The following KCNJ6 variants were observed in gnomAD, a reference collection of about 807,000 sequenced individuals.
KCNJ6 encodes the protein potassium inwardly rectifying channel subfamily J member 6, also known as G protein-activated inward rectifier potassium channel 2.
Under a neutral mutation model 34.2 loss-of-function variants are expected in KCNJ6, and 9 were observed. The observed-to-expected ratio is 0.26, with a 90% CI of 0.16 to 0.46. The LOEUF is 0.46. Among genes scored for constraint, KCNJ6 ranks in the 20% least tolerant of loss-of-function variants. KCNJ6 has a pLI of 1.00. For synonymous variants in KCNJ6, 196 were observed against 207.1 expected (o/e 0.95, Z 0.46); for missense variants, 236 against 531.3 (o/e 0.44, Z 5.46).
At chr21:37,761,444 TTTGTGTGTG>T (rs2055062816) in intron 2 of KCNJ6, among the ~76,000 whole-genome samples, 1 of 151,446 alleles carries the variant, frequency 6.6e-6, no homozygotes, top group South Asian at 2.1e-4. Flanking sequence ...TGTGTGTATA[TTTGTGTGTG>T]TTGTGTGTAT....
intron 1 of KCNJ6, among the ~76,000 whole-genome samples, chr21:37,895,179 T>A (rs1017377645): frequency 6.6e-6 from 1 of 152,228 alleles, no homozygotes; most frequent in African/African-American, 2.4e-5. Flanking sequence ...ACCCAAATAA[T>A]AGCCCTGGGA....
chr21:37,818,001 C>T (rs1022104567), intron 2 of KCNJ6, among the ~76,000 whole-genome samples: 6 of 152,168 alleles, frequency 3.9e-5, no homozygotes, highest in East Asian at 1.9e-4. Context: ...CCATCTGCCT[C>T]GTACCCAGAA....
intron 2 of KCNJ6, among the ~76,000 whole-genome samples, chr21:37,830,265 T>C (rs938526718): frequency 6.6e-6 from 1 of 152,126 alleles, no homozygotes; most frequent in African/African-American, 2.4e-5. Context: ...GTTAGGCAAG[T>C]GGAAGGTGGG....
chr21:37,853,633 A>G (rs1217987425), intron 1 of KCNJ6, among the ~76,000 whole-genome samples: 1 of 151,982 alleles, frequency 6.6e-6, no homozygotes, highest in African/African-American at 2.4e-5. Context: ...CAAACACAGT[A>G]GACTTTTCTT....
chr21:37,615,841 C>T lies in KCNJ6; in HGVS notation c.*9318G>A, dbSNP rs376703144. On this transcript the variant is annotated 3_prime_UTR_variant, in exon 4 of 4. Coordinates refer to ENST00000609713, the MANE Select transcript of KCNJ6 (RefSeq NM_002240.5). ...TGGACATCTGTTACATGGGATAATACAAAAATAATTTTGAAAATTTTTTAA... is the reference window on the plus strand; with the variant it reads ...TGGACATCTGTTACATGGGATAATATAAAAATAATTTTGAAAATTTTTTAA... The T allele has an allele frequency of 2.6e-5, 4 of 152,254 alleles. No homozygotes were observed. The highest frequency in any genetic ancestry group is 3.9e-4 in the East Asian group (2 of 5,180). 9.4% of individuals were successfully genotyped at this position (152,254 alleles called of 1,614,324 possible).
intron 3 of KCNJ6, among the ~76,000 whole-genome samples, chr21:37,655,972 G>A (rs76426108): frequency 0.015 from 2,295 of 152,278 alleles, 38 homozygotes; most frequent in East Asian, 0.069. Flanking sequence ...AGGAGAGAGC[G>A]TGTGACACCA....
At chr21:37,752,240 A>T (rs1444143374) in intron 2 of KCNJ6, among the ~76,000 whole-genome samples, 1 of 152,160 alleles carries the variant, frequency 6.6e-6, no homozygotes, top group Non-Finnish European at 1.5e-5. Flanking sequence ...GTTTTCCAGG[A>T]TCAGTTGCCT....
chr21:37,625,934 C>A (rs935121451), intron 3 of KCNJ6, among the ~76,000 whole-genome samples: 10 of 152,146 alleles, frequency 6.6e-5, no homozygotes, highest in African/African-American at 2.2e-4. Context: ...ATATATGGAA[C>A]TACACTTAGG....
intron 3 of KCNJ6, among the ~76,000 whole-genome samples, chr21:37,683,242 A>G (rs868261996): frequency 2.6e-5 from 4 of 152,202 alleles, no homozygotes; most frequent in African/African-American, 9.6e-5. Flanking sequence ...GAAAAATCCT[A>G]TTTGCAGAAA....
chr21:37,714,663 G>A lies in KCNJ6; in HGVS notation c.494C>T (p.Pro165Leu), dbSNP rs368206270. Reference sequence around the variant, plus strand: ...GATTAAGAGAAGAATAATTCCCTCTGGGCATTTATCTGTGATGACCCGGTA... The same window carrying A: ...GATTAAGAGAAGAATAATTCCCTCTAGGCATTTATCTGTGATGACCCGGTA... ...YGYRVITDKCPEGIILLLIQS... is the reference protein window; with the variant it reads ...YGYRVITDKCLEGIILLLIQS... Residue 165 changes from proline (P) to leucine (L), a missense_variant, in exon 3 of 4, where the codon CCA becomes CTA. Physicochemically the swap from Pro to Leu is moderately conservative, Grantham distance 98. This residue lies in a region of KCNJ6 where 68 missense variants were observed against 165.7 expected (regional missense o/e 0.41). Transcript: ENST00000609713. This position sits in a 1 kb window ranked among gnomAD's most constrained non-coding sequence, Gnocchi z 5.9. 1.5e-5 allele frequency: 25 copies of A among 1,613,920 alleles called. No homozygotes were observed. The highest frequency in any genetic ancestry group is 2.2e-5 in the South Asian group (2 of 91,070).
In KCNJ6 at chr21:37,723,934, TA is replaced by T. The variant is rs571972529; in HGVS notation, c.26-8804del. Among the ~76,000 whole-genome samples, 510 of 132,270 alleles carry T rather than the reference TA, an allele frequency of 3.9e-3. 1 individual carries two copies. Among genetic ancestry groups the T allele is most frequent in the African/African-American group, 8.6e-3 (309 of 35,790 alleles). 86.8% of individuals were successfully genotyped at this position (132,270 alleles called of 152,430 possible). On this transcript the variant is annotated intron_variant, in intron 2 of 3. Transcript: ENST00000609713. ...TACAAATTGACTGATAGAAAACAAA[TA>T]AAAAAAAAAAAGAAAAGCAAGAACA...
intron 2 of KCNJ6, among the ~76,000 whole-genome samples, chr21:37,829,282 G>A (rs1283625285): frequency 6.6e-6 from 1 of 152,184 alleles, no homozygotes; most frequent in East Asian, 1.9e-4. Flanking sequence ...GGTGGGAGGC[G>A]GGGAAGGCGA....
At chr21:37,757,659 A>AGTGT (rs2055037229) in intron 2 of KCNJ6, among the ~76,000 whole-genome samples, 4 of 142,696 alleles carry the variant, frequency 2.8e-5, no homozygotes, top group Admixed American at 6.9e-5. Context: ...TCTCCCTCAC[A>AGTGT]GATTCCAGCC....
At chr21:37,796,180 G>A (rs749547292) in intron 2 of KCNJ6, among the ~76,000 whole-genome samples, 12 of 152,132 alleles carry the variant, frequency 7.9e-5, no homozygotes, top group African/African-American at 1.4e-4. Context: ...ATGGCCCTGC[G>A]TGGAGGTGAA....
intron 2 of KCNJ6, among the ~76,000 whole-genome samples, chr21:37,786,930 C>A (rs969369183): frequency 6.6e-6 from 1 of 152,188 alleles, no homozygotes; most frequent in African/African-American, 2.4e-5. Context: ...TGTCTATATT[C>A]TATTTTTCCA....
At chr21:37,763,321 T>C (rs2055075205) in intron 2 of KCNJ6, among the ~76,000 whole-genome samples, 1 of 152,174 alleles carries the variant, frequency 6.6e-6, no homozygotes, top group Admixed American at 6.5e-5. Flanking sequence ...TGCGATGATC[T>C]GTCTTCTCGT....
intron 3 of KCNJ6, among the ~76,000 whole-genome samples, chr21:37,655,248 AG>A (rs1569439004): frequency 8.5e-5 from 4 of 46,802 alleles, no homozygotes; most frequent in African/African-American, 4.4e-4. Context: ...AGAGAGAGAG[AG>A]AGAGAGAGAG....
At chr21:37,659,972 G>T (rs568538058) in intron 3 of KCNJ6, among the ~76,000 whole-genome samples, 152 of 152,338 alleles carry the variant, frequency 1.0e-3, no homozygotes, top group African/African-American at 3.5e-3. Context: ...ACATGACAAA[G>T]TTAAAAAGAA....
chr21:37,707,413 G>A (rs1219642626), intron 3 of KCNJ6, among the ~76,000 whole-genome samples: 1 of 152,164 alleles, frequency 6.6e-6, no homozygotes, highest in Non-Finnish European at 1.5e-5. Context: ...AGGGTTGAAA[G>A]GTTACCCGTG....
Sources: allele counts gnomAD v4.1 joint callset (sites outside exome capture counted in the v4.1 genomes callset), GRCh38; gene constraint gnomAD v4.1.1; regional missense constraint gnomAD v4.1.1; non-coding constraint Gnocchi (gnomAD v3.1); transcripts MANE v1.5; gene names NCBI Gene and HGNC (gene_info 2026-07-23, HGNC 2026-07-21).